Variants in DAB1 observed in about 807,000 individuals in gnomAD.
The protein encoded by DAB1 is DAB adaptor protein 1, also known as disabled homolog 1.
DAB1 carries 15 observed loss-of-function variants against 64.6 expected under a neutral mutation model. That is an observed-to-expected ratio of 0.23 (90% CI 0.16 to 0.36). DAB1 has a LOEUF of 0.36. DAB1 is among the 10% of genes least tolerant of loss of function. DAB1 has a pLI of 1.00. For synonymous variants in DAB1, 235 were observed against 251.9 expected (o/e 0.93, Z 0.64); for missense variants, 596 against 706.7 (o/e 0.84, Z 1.78).
At chr1:57,967,587 G>A (rs1404772440) in intron 5 of DAB1, among the ~76,000 whole-genome samples, 1 of 152,194 alleles carries the variant, frequency 6.6e-6, no homozygotes, top group Non-Finnish European at 1.5e-5. Context: ...GATATCTGGT[G>A]TTGATTCAGA....
intron 1 of DAB1, among the ~76,000 whole-genome samples, chr1:57,291,759 AAAAAG>A (rs1672793794): frequency 6.6e-6 from 1 of 152,200 alleles, no homozygotes; most frequent in South Asian, 2.1e-4. Context: ...ATGTGCAGAG[AAAAAG>A]AAAAGAAACA....
intron 7 of DAB1, among the ~76,000 whole-genome samples, chr1:57,603,600 C>T (rs969535098): frequency 6.6e-6 from 1 of 152,202 alleles, no homozygotes; most frequent in African/African-American, 2.4e-5. Context: ...TGCCCTGATC[C>T]TGCAGTCCTT....
chr1:58,500,413 T>C (rs1645887944), intron 3 of DAB1, among the ~76,000 whole-genome samples: 1 of 152,202 alleles, frequency 6.6e-6, no homozygotes, highest in African/African-American at 2.4e-5. Flanking sequence ...GCTCATGAGA[T>C]GTATAATATT....
intron 3 of DAB1, among the ~76,000 whole-genome samples, chr1:58,473,081 T>C (rs1356024248): frequency 6.6e-6 from 1 of 152,198 alleles, no homozygotes; most frequent in East Asian, 1.9e-4. Flanking sequence ...CACACTGTAT[T>C]GTCATGCTTT....
At chr1:57,126,451 T>C (rs960152381) in intron 4 of DAB1, among the ~76,000 whole-genome samples, 3 of 152,114 alleles carry the variant, frequency 2.0e-5, no homozygotes, top group African/African-American at 7.2e-5. Flanking sequence ...GGTAAGCCCC[T>C]GCACCTCTCT....
chr1:58,388,461 G>C (rs1644451386), intron 3 of DAB1, among the ~76,000 whole-genome samples: 1 of 152,130 alleles, frequency 6.6e-6, no homozygotes, highest in Non-Finnish European at 1.5e-5. Flanking sequence ...TTCCTGCCTG[G>C]AGTGCAGCCT....
intron 2 of DAB1, among the ~76,000 whole-genome samples, chr1:57,276,164 A>G (rs1234636784): frequency 1.3e-5 from 2 of 152,258 alleles, no homozygotes; most frequent in Non-Finnish European, 2.9e-5. Context: ...GTGTGCACAC[A>G]GTAGTGTGCA....
At chr1:58,288,725 T>G (rs1355217462) in intron 4 of DAB1, among the ~76,000 whole-genome samples, 9 of 152,182 alleles carry the variant, frequency 5.9e-5, no homozygotes, top group Non-Finnish European at 1.0e-4. Context: ...CTCCTTATAT[T>G]TTTGCTTCCC....
intron 1 of DAB1, among the ~76,000 whole-genome samples, chr1:57,342,178 A>G (rs576832632): frequency 6.6e-6 from 1 of 152,210 alleles, no homozygotes; most frequent in African/African-American, 2.4e-5. Flanking sequence ...GTGGGAGACC[A>G]TTTCCTCTGC....
intron 4 of DAB1, among the ~76,000 whole-genome samples, chr1:58,318,049 T>A (rs1662597687): frequency 6.6e-6 from 1 of 152,168 alleles, no homozygotes; most frequent in East Asian, 1.9e-4. Flanking sequence ...AGGTTAGGGA[T>A]CCTAGCTGAG....
chr1:58,024,445 G>A (rs544233859), intron 5 of DAB1, among the ~76,000 whole-genome samples: 1 of 152,214 alleles, frequency 6.6e-6, no homozygotes, highest in South Asian at 2.1e-4. Flanking sequence ...CATAAAATAA[G>A]ACAACAGATA....
At chr1:58,472,880 G>C (rs1217321612) in intron 3 of DAB1, among the ~76,000 whole-genome samples, 2 of 152,120 alleles carry the variant, frequency 1.3e-5, no homozygotes. Context: ...GTGGAAGTAG[G>C]TGGAGCATAC....
At chr1:57,429,382 G>A (rs906274957) in intron 7 of DAB1, among the ~76,000 whole-genome samples, 3 of 152,072 alleles carry the variant, frequency 2.0e-5, no homozygotes, top group African/African-American at 7.2e-5. Flanking sequence ...TACATATTTT[G>A]AGTATTAACC....
At chr1:57,386,863 A>T (rs1211438518) in intron 1 of DAB1, 1 of 152,134 alleles carries the variant, frequency 6.6e-6, no homozygotes, top group Non-Finnish European at 1.5e-5. Context: ...TAAGCTGTAG[A>T]ATGATTCTGC....
rs547485739 is a variant in DAB1 at position 57,212,345 on chromosome 1, G to A, written c.68-66916C>T. Among the ~76,000 whole-genome samples the A allele has an allele frequency of 1.7e-4, 24 of 141,308 alleles. No individual in the cohort carries two copies. The East Asian group carries it at 4.4e-3, about 26-fold the overall frequency. 92.7% of individuals were successfully genotyped at this position (141,308 alleles called of 152,430 possible). Reference sequence around the variant, plus strand: ...AACATAATTACTGGTAATATTACATGTATATATTATTTCCTTTTTTTTTTT... The same window carrying A: ...AACATAATTACTGGTAATATTACATATATATATTATTTCCTTTTTTTTTTT... On this transcript the variant is annotated intron_variant, in intron 2 of 14. Coordinates refer to ENST00000371236, the MANE Select transcript of DAB1 (RefSeq NM_001365792.1).
At chr1:57,489,341 T>C (rs1358092286) in intron 7 of DAB1, among the ~76,000 whole-genome samples, 1 of 152,198 alleles carries the variant, frequency 6.6e-6, no homozygotes, top group Non-Finnish European at 1.5e-5. Context: ...TCTGTGGTCT[T>C]AGCTATTGGT....
chr1:58,084,623 G>A (rs577277347), intron 5 of DAB1: 2 of 154,290 alleles, frequency 1.3e-5, no homozygotes, highest in East Asian at 1.9e-4. Context: ...CCCAGGCTTG[G>A]GTTGCCAGAG....
chr1:57,797,392 C>T (rs1025737993), intron 6 of DAB1, among the ~76,000 whole-genome samples: 8 of 152,212 alleles, frequency 5.3e-5, no homozygotes, highest in Admixed American at 2.6e-4. Flanking sequence ...TCTTGCTGTA[C>T]GATCCTACTT....
chr1:58,527,141 T>C (rs1646364706), intron 2 of DAB1: 3 of 624,110 alleles, frequency 4.8e-6, no homozygotes, highest in South Asian at 2.0e-5. Flanking sequence ...AGAAATTACA[T>C]AAAGGGCTAA....
Sources: allele counts gnomAD v4.1 joint callset (sites outside exome capture counted in the v4.1 genomes callset), GRCh38; gene constraint gnomAD v4.1.1; transcripts MANE v1.5; gene names NCBI Gene and HGNC (gene_info 2026-07-23, HGNC 2026-07-21).